HCN1: variants seen among roughly 807,000 people sequenced by gnomAD.
HCN1 encodes the protein hyperpolarization activated cyclic nucleotide gated potassium channel 1.
Under a neutral mutation model 78.9 loss-of-function variants are expected in HCN1, and 13 were observed. The ratio of observed to expected loss-of-function variants is 0.16; its 90% CI spans 0.11 to 0.26. The LOEUF is 0.26. Among genes scored for constraint, HCN1 ranks in the 10% least tolerant of loss-of-function variants. The pLI, the probability that HCN1 is intolerant of heterozygous loss-of-function variation, is 1.00. For synonymous variants in HCN1, 552 were observed against 455.5 expected (o/e 1.21, Z -2.70); for missense variants, 810 against 1,154.3 (o/e 0.70, Z 4.32).
rs1250355259 is a variant in HCN1, at chr5:45,660,781, C to T, written c.426-15173G>A. ...ATCCTAAATATTTATGCACCCAATA[C>T]AGGAGCACCCAGATTCATAAAGCAA... On this transcript the variant is annotated intron_variant, in intron 1 of 7. Coordinates refer to ENST00000303230, the MANE Select transcript of HCN1 (RefSeq NM_021072.4). Among the ~76,000 whole-genome samples, 46 of 131,726 alleles carry T rather than the reference C, an allele frequency of 3.5e-4. 1 individual carries two copies. Among genetic ancestry groups the T allele is most frequent in the Middle Eastern group, 7.0e-3 (2 of 284 alleles). The allele number at this position is 131,726 out of a possible 152,430, so 86.4% of individuals were successfully genotyped here.
intron 2 of HCN1, among the ~76,000 whole-genome samples, chr5:45,583,272 G>T (rs111697059): frequency 2.6e-5 from 4 of 152,142 alleles, no homozygotes; most frequent in Admixed American, 2.6e-4. Flanking sequence ...ACGTGTCGAG[G>T]AATTTATCCA....
chr5:45,324,008 C>T (rs547223990), intron 5 of HCN1, among the ~76,000 whole-genome samples: 24 of 151,852 alleles, frequency 1.6e-4, no homozygotes, highest in Non-Finnish European at 2.2e-4. Context: ...GTGAATAGTG[C>T]CGCAATAAAC....
intron 3 of HCN1, among the ~76,000 whole-genome samples, chr5:45,450,090 C>G (rs1451620388): frequency 6.6e-6 from 1 of 152,208 alleles, no homozygotes; most frequent in East Asian, 1.9e-4. Context: ...CTCGGCCTCC[C>G]AAAATGCTGG....
intron 1 of HCN1, among the ~76,000 whole-genome samples, chr5:45,690,109 A>G (rs1739878758): frequency 6.6e-6 from 1 of 152,112 alleles, no homozygotes; most frequent in Non-Finnish European, 1.5e-5. Flanking sequence ...AATACTGAAT[A>G]ACTGTATACA....
At chr5:45,580,723 G>A (rs1201257367) in intron 2 of HCN1, among the ~76,000 whole-genome samples, 2 of 151,952 alleles carry the variant, frequency 1.3e-5, no homozygotes, top group Non-Finnish European at 2.9e-5. Context: ...GGTGTGTTAT[G>A]TTCCTCTTCC....
chr5:45,288,991 A>C lies in HCN1; in HGVS notation c.1618+14608T>G, dbSNP rs935944337. Among the ~76,000 whole-genome samples the C allele has an allele frequency of 2.0e-5, 3 of 152,176 alleles. No homozygotes were observed. In the South Asian group the frequency reaches 6.2e-4, roughly 32 times the overall value. The stretch of plus-strand genomic sequence containing the variant: ...GCACACAAAGTAACCGCAGGACATC[A>C]TTGCCTTCCAAATGAACCTATTCAT... On this transcript the variant is annotated intron_variant, in intron 6 of 7. Transcript: ENST00000303230.
chr5:45,284,672 C>T (rs774225046), intron 6 of HCN1, among the ~76,000 whole-genome samples: 29 of 152,006 alleles, frequency 1.9e-4, no homozygotes, highest in African/African-American at 5.3e-4. Flanking sequence ...ATTTCCCAGC[C>T]GGGAGCTGGT....
intron 5 of HCN1, among the ~76,000 whole-genome samples, chr5:45,351,833 T>A (rs1019134975): frequency 1.3e-5 from 2 of 151,702 alleles, no homozygotes; most frequent in Admixed American, 6.6e-5. Flanking sequence ...TGAGACACCA[T>A]CTCACACCAG....
At chr5:45,297,627 A>G (rs2111895109) in intron 6 of HCN1, among the ~76,000 whole-genome samples, 1 of 152,238 alleles carries the variant, frequency 6.6e-6, no homozygotes, top group South Asian at 2.1e-4. Context: ...AGTGAGAATC[A>G]GCCTCATACA....
intron 4 of HCN1, among the ~76,000 whole-genome samples, chr5:45,370,693 T>A (rs570819749): frequency 6.6e-6 from 1 of 152,056 alleles, no homozygotes; most frequent in South Asian, 2.1e-4. Flanking sequence ...CAAACTATAA[T>A]GCCATAAGGC....
chr5:45,453,534 T>C (rs1740965837), intron 3 of HCN1, among the ~76,000 whole-genome samples: 1 of 152,212 alleles, frequency 6.6e-6, no homozygotes, highest in African/African-American at 2.4e-5. Context: ...GTGCAGCCAA[T>C]TCATGGTTGT....
chr5:45,466,570 C>T (rs1449272278), intron 2 of HCN1, among the ~76,000 whole-genome samples: 1 of 152,068 alleles, frequency 6.6e-6, no homozygotes, highest in Non-Finnish European at 1.5e-5. Flanking sequence ...TATATTTCGG[C>T]ACCTGCACGA....
intron 4 of HCN1, among the ~76,000 whole-genome samples, chr5:45,367,547 C>A (rs1747260545): frequency 6.6e-6 from 1 of 151,754 alleles, no homozygotes; most frequent in South Asian, 2.1e-4. Context: ...GGTAAGAGGA[C>A]AATTTCAGAA....
intron 2 of HCN1, among the ~76,000 whole-genome samples, chr5:45,519,017 G>T (rs1437383475): frequency 6.6e-6 from 1 of 151,592 alleles, no homozygotes; most frequent in East Asian, 1.9e-4. Flanking sequence ...TTTTCACAGA[G>T]GGCCCTAAGA....
At chr5:45,352,296 G>C (rs985087934) in intron 5 of HCN1, among the ~76,000 whole-genome samples, 1 of 151,214 alleles carries the variant, frequency 6.6e-6, no homozygotes, top group Non-Finnish European at 1.5e-5. Context: ...AACACCGCAT[G>C]TTCTCACTCA....
chr5:45,340,333 T>C (rs1489283031), intron 5 of HCN1, among the ~76,000 whole-genome samples: 1 of 152,228 alleles, frequency 6.6e-6, no homozygotes, highest in East Asian at 1.9e-4. Flanking sequence ...AGGGTACACA[T>C]TACTAGGGTT....
intron 6 of HCN1, among the ~76,000 whole-genome samples, chr5:45,270,848 T>C (rs1452792617): frequency 6.6e-6 from 1 of 152,158 alleles, no homozygotes; most frequent in Non-Finnish European, 1.5e-5. Flanking sequence ...TTTACAGATA[T>C]GTTAAAAACA....
intron 2 of HCN1, among the ~76,000 whole-genome samples, chr5:45,539,946 AT>A (rs1743062684): frequency 2.8e-5 from 4 of 143,500 alleles, no homozygotes; most frequent in South Asian, 2.1e-4. Flanking sequence ...ATATATATAT[AT>A]ATATATATAT....
At chr5:45,547,591 A>G (rs192369641) in intron 2 of HCN1, among the ~76,000 whole-genome samples, 3 of 151,984 alleles carry the variant, frequency 2.0e-5, no homozygotes, top group Non-Finnish European at 2.9e-5. Flanking sequence ...TTAACAGTTT[A>G]CGTTCTGAGC....
Sources: gnomAD v4.1 joint callset for allele counts (sites outside exome capture counted in the v4.1 genomes callset) on GRCh38, gnomAD v4.1.1 for gene constraint, MANE v1.5 for transcripts, NCBI Gene and HGNC (gene_info 2026-07-23, HGNC 2026-07-21) for gene names.